UBR4: variants seen among roughly 807,000 people sequenced by gnomAD.
The protein encoded by UBR4 is E3 ubiquitin-protein ligase UBR4.
In UBR4, 124 loss-of-function variants were observed where a neutral mutation model predicts 575.6. The ratio of observed to expected loss-of-function variants is 0.22; its 90% CI spans 0.19 to 0.25. The LOEUF (loss-of-function observed/expected upper bound fraction) is 0.25, where lower values mean the gene tolerates loss of function less well. Ranked by LOEUF, UBR4 falls within the 10% of genes least tolerant of loss-of-function variation. The pLI is 1.00. For synonymous variants in UBR4, 2,455 were observed against 2,473.7 expected (o/e 0.99, Z 0.22); for missense variants, 4,818 against 6,478.8 (o/e 0.74, Z 8.80).
At chr1:19,187,368 T>C in intron 12 of UBR4, 67 bp from the exon 13 acceptor site, 1 of 1,608,638 alleles carries the variant, frequency 6.2e-7, no homozygotes, top group Non-Finnish European at 8.5e-7. Context: ...CTTGAGTTGA[T>C]GGATCAAGCT....
Position 19,076,871 on chromosome 1 carries a change from C to T in UBR4, c.15356G>A (p.Trp5119Ter), listed in dbSNP as rs1449281302. 1 of 1,595,444 alleles carries T rather than the reference C, an allele frequency of 6.3e-7. No homozygotes were observed. The highest frequency in any genetic ancestry group is 8.5e-7 in the Non-Finnish European group (1 of 1,171,668). The stretch of plus-strand genomic sequence containing the variant: ...GATGTACTCAGCGAGAGAGCAGGAC[C>T]AGCCTCCCTCTGTGTTACTGGTAGG... ...KVPTSNTEGG[W>*]SCSLAEYIRH... is the part of the protein sequence containing the mutation. The change falls in exon 105 of 106, where the codon TGG becomes TAG. Residue 5119 changes from tryptophan to a stop codon, truncating the protein, a stop_gained. Transcript: ENST00000375254. LOFTEE classifies it high-confidence loss of function.
At chr1:19,168,710 G>T (rs894965967) in intron 27 of UBR4, among the ~76,000 whole-genome samples, 1 of 152,196 alleles carries the variant, frequency 6.6e-6, no homozygotes, top group Non-Finnish European at 1.5e-5. Context: ...GGGCATGGTG[G>T]CTCACGCCTG....
chr1:19,115,335 C>A, intron 74 of UBR4, 63 bp downstream of exon 74: 1 of 1,579,430 alleles, frequency 6.3e-7, no homozygotes, highest in Non-Finnish European at 8.6e-7. Context: ...CACACTGACA[C>A]TACTACAGAA....
Position 19,161,811 on chromosome 1 carries a change from GA to G in UBR4, c.5027+15del. The G allele has an allele frequency of 6.2e-7, 1 of 1,614,180 alleles. No homozygotes were observed. Among genetic ancestry groups the G allele is most frequent in the Non-Finnish European group, 8.5e-7 (1 of 1,180,008 alleles). The stretch of plus-strand genomic sequence containing the variant: ...TGCCCAGCAAATCTTCACCTTAAAG[GA>G]AGAACTACCCTTACCAATGCTGGTT... On this transcript the variant is annotated intron_variant, in intron 36 of 105. Transcript: ENST00000375254.
intron 71 of UBR4, 34 bp downstream of exon 71, chr1:19,118,838 G>A: frequency 6.2e-7 from 1 of 1,607,252 alleles, no homozygotes; most frequent in African/African-American, 1.3e-5. Flanking sequence ...TGCTGACTGA[G>A]CTTCCCACAG....
chr1:19,093,247 G>T lies in UBR4; in HGVS notation c.14111+66C>A. On this transcript the variant is annotated intron_variant, in intron 96 of 105. Transcript: ENST00000375254. The surrounding 1 kb of genome is among the most constrained non-coding windows in gnomAD (Gnocchi z 4.8). ...ACGTGAAGCTTTATGCCAAGATGCTGATGGAGAAGGAAAAGGAAAGGGCAA... is the reference window on the plus strand; with the variant it reads ...ACGTGAAGCTTTATGCCAAGATGCTTATGGAGAAGGAAAAGGAAAGGGCAA... The T allele has an allele frequency of 6.4e-7, 1 of 1,565,810 alleles. No individual in the cohort carries two copies. Among genetic ancestry groups the T allele is most frequent in the Non-Finnish European group, 8.7e-7 (1 of 1,152,564 alleles).
chr1:19,131,614 C>T (rs1006588063), intron 60 of UBR4, among the ~76,000 whole-genome samples: 10 of 152,168 alleles, frequency 6.6e-5, no homozygotes, highest in Non-Finnish European at 1.0e-4. Flanking sequence ...TGGCTCATGC[C>T]TGTAATCCTA....
In UBR4 at chr1:19,087,903, G is replaced by C. The variant is rs968153187; in HGVS notation, c.14457C>G (p.Thr4819=). The change falls in exon 99 of 106, where the codon ACC becomes ACG. Residue 4819 remains threonine, a synonymous_variant. Transcript: ENST00000375254. ...CCATCTGCTTCAGGAGTGCTGTCTT[G>C]GTCACGACCTGGCCCTTTTCATTTG... ...MTTNEKGQVV[T]KTALLKQMEE... The C allele has an allele frequency of 1.7e-5, 27 of 1,608,560 alleles. No homozygotes were observed. The highest frequency in any genetic ancestry group is 2.2e-5 in the Non-Finnish European group (26 of 1,176,776).
At chr1:19,185,051 C>G in intron 15 of UBR4, 48 bp downstream of exon 15, 1 of 1,609,650 alleles carries the variant, frequency 6.2e-7, no homozygotes, top group Non-Finnish European at 8.5e-7. Flanking sequence ...TCTCATACCC[C>G]TAGCTCCCCA....
At position 19,093,513 on chromosome 1, in the gene UBR4, G is replaced by C; in HGVS notation, c.13938-27C>G. On this transcript the variant is annotated intron_variant, in intron 95 of 105. Transcript: ENST00000375254. This position sits in a 1 kb window ranked among gnomAD's most constrained non-coding sequence, Gnocchi z 4.8. The stretch of plus-strand genomic sequence containing the variant: ...TAGGAGGAAAGAGCAGAGTTTGAGG[G>C]TGTGAAAGGCGGGACAAAACCCAGT... 1 of 1,610,352 alleles carries C rather than the reference G, an allele frequency of 6.2e-7. No homozygotes were observed. The highest frequency in any genetic ancestry group is 8.5e-7 in the Non-Finnish European group (1 of 1,177,470).
At position 19,110,390 on chromosome 1, in the gene UBR4, C is replaced by T; in HGVS notation, c.11967G>A (p.Arg3989=). The change falls in exon 80 of 106, where the codon CGG becomes CGA. Residue 3989 remains arginine (R), a synonymous_variant. Coordinates refer to ENST00000375254, the MANE Select transcript of UBR4 (RefSeq NM_020765.3). This position sits in a 1 kb window ranked among gnomAD's most constrained non-coding sequence, Gnocchi z 4.5. The stretch of plus-strand genomic sequence containing the variant: ...AATCCCCTAACTCACCACAGCGTAA[C>T]CGGAGCTCCCAGCAGCTGTCCTCCT... ...ISKEDSCWEL[R]LRCALSLFLM... is the part of the protein sequence containing the mutation. 1.2e-6 allele frequency: 2 copies of T among 1,614,192 alleles called. No homozygotes were observed. The highest frequency in any genetic ancestry group is 1.7e-6 in the Non-Finnish European group (2 of 1,180,020).
intron 78 of UBR4, among the ~76,000 whole-genome samples, chr1:19,111,056 TGAGGGAA>T (rs1253874049): frequency 1.3e-5 from 2 of 152,162 alleles, no homozygotes; most frequent in African/African-American, 4.8e-5. Flanking sequence ...AGAAGCTAAC[TGAGGGAA>T]GAGCAGCACC....
At chr1:19,105,237 C>A in intron 84 of UBR4, 48 bp from the exon 85 acceptor site, 1 of 1,582,956 alleles carries the variant, frequency 6.3e-7, no homozygotes. Context: ...TCTAGCATTT[C>A]GAACAGCTCC....
intron 34 of UBR4, among the ~76,000 whole-genome samples, chr1:19,162,856 T>A (rs2087615397): frequency 6.6e-6 from 1 of 152,178 alleles, no homozygotes; most frequent in Non-Finnish European, 1.5e-5. Flanking sequence ...CTTTACAAAG[T>A]CTTGTAAGAT....
intron 1 of UBR4, 134 bp downstream of exon 1, chr1:19,209,939 G>T: frequency 7.5e-7 from 1 of 1,335,072 alleles, no homozygotes; most frequent in South Asian, 1.8e-5. Flanking sequence ...CCCCGGGCCC[G>T]GGACCCCGAA....
At chr1:19,174,821 A>G in intron 21 of UBR4, 133 bp downstream of exon 21, 3 of 833,348 alleles carry the variant, frequency 3.6e-6, no homozygotes, top group Non-Finnish European at 5.5e-6. Context: ...TCCTATTAGA[A>G]TAAGCTCAAA....
intron 1 of UBR4, among the ~76,000 whole-genome samples, chr1:19,206,171 G>A (rs1262716851): frequency 6.6e-6 from 1 of 152,170 alleles, no homozygotes; most frequent in African/African-American, 2.4e-5. Context: ...TGTTAAAAAA[G>A]AGTTTAAGCT....
intron 11 of UBR4, among the ~76,000 whole-genome samples, chr1:19,190,312 A>AAAAAAAAAAAAATAT: frequency 2.6e-4 from 21 of 79,912 alleles, no homozygotes; most frequent in African/African-American, 5.3e-4. Context: ...AAAAAAAAAA[A>AAAAAAAAAAAAATAT]ATATATATAT....
At chr1:19,101,721 TC>T (rs993367873) in intron 87 of UBR4, 80 bp from the exon 88 acceptor site, 68 of 1,545,016 alleles carry the variant, frequency 4.4e-5, no homozygotes, top group Non-Finnish European at 5.5e-5. Flanking sequence ...TGAAGTACCA[TC>T]ACTGACAAAT....
Sources: gnomAD v4.1 joint callset for allele counts (sites outside exome capture counted in the v4.1 genomes callset) on GRCh38, gnomAD v4.1.1 for gene constraint, Gnocchi (gnomAD v3.1) non-coding constraint, MANE v1.5 for transcripts, NCBI Gene and HGNC (gene_info 2026-07-23, HGNC 2026-07-21) for gene names.